The following DYNAP variants were observed in gnomAD, a reference collection of about 807,000 sequenced individuals.
DYNAP encodes the protein dynactin associated protein.
A neutral mutation model predicts 8.5 loss-of-function variants in DYNAP; 7 were observed. The ratio of observed to expected loss-of-function variants is 0.82; its 90% CI spans 0.47 to 1.54. The LOEUF (loss-of-function observed/expected upper bound fraction) is 1.54, where lower values mean the gene tolerates loss of function less well. DYNAP is among the 40% of genes most tolerant of loss of function. DYNAP has a pLI of 0.01. For missense variants in DYNAP, 256 were observed against 224.3 expected (o/e 1.14, Z -0.90); for synonymous variants, 77 against 77.9 (o/e 0.99, Z 0.06).
At chr18:54,584,450 C>T (rs770878447), upstream of DYNAP, among the ~76,000 whole-genome samples, 27 of 151,554 alleles carry the variant, frequency 1.8e-4, no homozygotes, top group Admixed American at 1.6e-3. Flanking sequence ...TACTATAAAA[C>T]GTGAAAATGA....
chr18:54,580,886 A>G, the DYNAP span, among the ~76,000 whole-genome samples: 5 of 152,118 alleles, frequency 3.3e-5, no homozygotes, highest in African/African-American at 9.7e-5. Context: ...TAGTTTAATA[A>G]TTTTTCTAAA....
chr18:54,579,364 C>A, the DYNAP span, among the ~76,000 whole-genome samples: 1 of 151,168 alleles, frequency 6.6e-6, no homozygotes, highest in Admixed American at 6.6e-5. Context: ...GCAATTAATT[C>A]TAGAACTTTC....
Position 54,597,669 on chromosome 18 carries a change from A to C in DYNAP, c.223-144A>C, listed in dbSNP as rs1911353911. ...GCAGACAATTATTTCCACCTGCATGAAAACATGGACTTCAAGCCCATCTTT... is the reference window on the plus strand; with the variant it reads ...GCAGACAATTATTTCCACCTGCATGCAAACATGGACTTCAAGCCCATCTTT... On this transcript the variant is annotated intron_variant, in intron 2 of 2. Transcript: ENST00000648945. The C allele has an allele frequency of 1.5e-5, 13 of 868,940 alleles. No homozygotes were observed. The South Asian group carries it at 3.0e-4, about 20-fold the overall frequency. The allele number at this position is 868,940 out of a possible 1,614,324, so 53.8% of individuals were successfully genotyped here. A position where few individuals can be genotyped will look rare whatever the true frequency, so the allele number is the denominator to read the frequency against.
upstream of DYNAP, among the ~76,000 whole-genome samples, chr18:54,586,811 A>G (rs1910896843): frequency 6.6e-6 from 1 of 152,216 alleles, no homozygotes; most frequent in Admixed American, 6.5e-5. Flanking sequence ...TACAAAGATT[A>G]GCTTTGAGCA....
At chr18:54,583,243 G>T (rs570718840), upstream of DYNAP, among the ~76,000 whole-genome samples, 7 of 152,280 alleles carry the variant, frequency 4.6e-5, no homozygotes, top group South Asian at 1.5e-3. Flanking sequence ...GAAAACTCCT[G>T]CCAAGCCACA....
upstream of DYNAP, among the ~76,000 whole-genome samples, chr18:54,586,399 T>C (rs908970703): frequency 1.3e-5 from 2 of 152,158 alleles, no homozygotes; most frequent in Non-Finnish European, 1.5e-5. Flanking sequence ...GTCTCCACCC[T>C]GGGAGTTGCT....
At chr18:54,576,708 C>T in the DYNAP span, among the ~76,000 whole-genome samples, 1 of 151,554 alleles carries the variant, frequency 6.6e-6, no homozygotes, top group African/African-American at 2.4e-5. Flanking sequence ...GAGGCTGAGG[C>T]AGGAGAATTG....
chr18:54,585,363 G>C (rs951923387), upstream of DYNAP, among the ~76,000 whole-genome samples: 3 of 151,792 alleles, frequency 2.0e-5, no homozygotes, highest in Non-Finnish European at 4.4e-5. Context: ...TTCACATCCT[G>C]ACATTTCTTT....
upstream of DYNAP, chr18:54,587,664 T>C (rs1192347269): frequency 5.2e-6 from 2 of 384,740 alleles, no homozygotes; most frequent in Non-Finnish European, 9.2e-6. Context: ...TAATTTTCAG[T>C]TTGCAAAGCC....
Position 54,598,279 on chromosome 18 carries a change from C to G in DYNAP, c.*134C>G. On this transcript the variant is annotated 3_prime_UTR_variant, in exon 3 of 3. Coordinates refer to ENST00000648945, the MANE Select transcript of DYNAP (RefSeq NM_173629.3). Reference sequence around the variant, plus strand: ...CAGTCACTTTAACAGACTCTATAACCGTTACAACTTCAACAAAATCAAGTC... The same window carrying G: ...CAGTCACTTTAACAGACTCTATAACGGTTACAACTTCAACAAAATCAAGTC... 1 of 904,900 alleles carries G rather than the reference C, an allele frequency of 1.1e-6. No individual in the cohort carries two copies. Among genetic ancestry groups the G allele is most frequent in the South Asian group, 2.1e-5 (1 of 47,828 alleles). 56.1% of individuals were successfully genotyped at this position (904,900 alleles called of 1,614,324 possible).
At chr18:54,582,068 C>T in the DYNAP span, among the ~76,000 whole-genome samples, 1 of 152,134 alleles carries the variant, frequency 6.6e-6, no homozygotes, top group African/African-American at 2.4e-5. Context: ...GGGAGGATCA[C>T]GAGGTCAAGA....
At chr18:54,586,488 ACC>A, upstream of DYNAP, among the ~76,000 whole-genome samples, 1 of 152,106 alleles carries the variant, frequency 6.6e-6, no homozygotes, top group Non-Finnish European at 1.5e-5. Flanking sequence ...TGGCAGCACC[ACC>A]CTGGCCATGC....
At chr18:54,586,933 C>A (rs1329726547), upstream of DYNAP, among the ~76,000 whole-genome samples, 3 of 152,140 alleles carry the variant, frequency 2.0e-5, no homozygotes, top group African/African-American at 4.8e-5. Context: ...TTCCTGTGAT[C>A]CAGCAATTAA....
upstream of DYNAP, among the ~76,000 whole-genome samples, chr18:54,588,206 ATTT>A (rs11364471): frequency 1.0e-4 from 14 of 138,838 alleles, no homozygotes; most frequent in Non-Finnish European, 7.8e-5. Context: ...GTTGGGAATA[ATTT>A]TTTTTTTTTT....
chr18:54,588,805 G>C (rs1472193611), upstream of DYNAP, among the ~76,000 whole-genome samples: 6 of 152,068 alleles, frequency 3.9e-5, no homozygotes, highest in African/African-American at 1.4e-4. Context: ...TGAATTTACA[G>C]AATGTTTCAG....
upstream of DYNAP, among the ~76,000 whole-genome samples, chr18:54,589,238 G>A (rs1910980642): frequency 6.6e-6 from 1 of 152,026 alleles, no homozygotes; most frequent in South Asian, 2.1e-4. Flanking sequence ...GGAAAAAATG[G>A]CCAGCTATCA....
At chr18:54,582,335 T>C in the DYNAP span, among the ~76,000 whole-genome samples, 2 of 152,196 alleles carry the variant, frequency 1.3e-5, no homozygotes, top group Non-Finnish European at 2.9e-5. Context: ...TGTTATTGTA[T>C]ACAGACATTT....
chr18:54,598,273 T>G lies in DYNAP; in HGVS notation c.*128T>G. ...TGGCTGCAGTCACTTTAACAGACTC[T>G]ATAACCGTTACAACTTCAACAAAAT... On this transcript the variant is annotated 3_prime_UTR_variant, in exon 3 of 3. Coordinates refer to ENST00000648945, the MANE Select transcript of DYNAP (RefSeq NM_173629.3). 1 of 967,436 alleles carries G rather than the reference T, an allele frequency of 1.0e-6. No individual in the cohort carries two copies. The highest frequency in any genetic ancestry group is 1.5e-6 in the Non-Finnish European group (1 of 673,730). 59.9% of individuals were successfully genotyped at this position (967,436 alleles called of 1,614,324 possible). A position where few individuals can be genotyped will look rare whatever the true frequency, so the allele number is the denominator to read the frequency against.
chr18:54,577,708 G>A, the DYNAP span, among the ~76,000 whole-genome samples: 14 of 150,486 alleles, frequency 9.3e-5, no homozygotes, highest in South Asian at 2.3e-3. Context: ...AAGGGATCAC[G>A]CCTGTAACCC....
Sources: allele counts gnomAD v4.1 joint callset (sites outside exome capture counted in the v4.1 genomes callset), GRCh38; gene constraint gnomAD v4.1.1; transcripts MANE v1.5; gene names NCBI Gene and HGNC (gene_info 2026-07-23, HGNC 2026-07-21).